The following ACOXL variants were observed in gnomAD, a reference collection of about 807,000 sequenced individuals.
ACOXL encodes the protein acyl-CoA oxidase like, also known as acyl-coenzyme A oxidase-like protein.
In ACOXL, 70 loss-of-function variants were observed where a neutral mutation model predicts 71.9. The ratio of observed to expected loss-of-function variants is 0.97; its 90% CI spans 0.80 to 1.19. The LOEUF is 1.19. Among genes scored for constraint, ACOXL ranks in the 50% most tolerant of loss-of-function variants. ACOXL has a pLI of 0.00. For synonymous variants in ACOXL, 253 were observed against 281.6 expected, an observed-to-expected ratio of 0.90 and a Z score of 1.02; for missense variants, 703 against 736.3, an observed-to-expected ratio of 0.95 and a Z score of 0.52.
intron 4 of ACOXL, 22 bp downstream of exon 4, chr2:110,793,758 T>A (rs1160866525): frequency 2.4e-5 from 38 of 1,582,126 alleles, no homozygotes; most frequent in Non-Finnish European, 3.2e-5. Flanking sequence ...TCCTCAACAT[T>A]GGTCTTCTAT....
At chr2:110,824,397 G>A (rs933997807) in intron 9 of ACOXL, among the ~76,000 whole-genome samples, 1 of 152,110 alleles carries the variant, frequency 6.6e-6, no homozygotes, top group African/African-American at 2.4e-5. Flanking sequence ...TAACTTGGTG[G>A]GAACTTGATT....
chr2:110,912,366 C>T (rs952051132), intron 11 of ACOXL, among the ~76,000 whole-genome samples: 3 of 152,012 alleles, frequency 2.0e-5, no homozygotes, highest in South Asian at 2.1e-4. Flanking sequence ...AATTCAGAAA[C>T]TTAATATGAA....
At chr2:111,098,780 AAGTT>A (rs1271109687) in intron 17 of ACOXL, 1 of 152,230 alleles carries the variant, frequency 6.6e-6, no homozygotes, top group African/African-American at 2.4e-5. Flanking sequence ...AAAAAACAAA[AAGTT>A]AGCATAGGGA....
At chr2:110,924,053 A>AT (rs1337915771) in intron 11 of ACOXL, among the ~76,000 whole-genome samples, 1 of 152,162 alleles carries the variant, frequency 6.6e-6, no homozygotes. Context: ...ATGAGTCATA[A>AT]TTTTTTTGTT....
chr2:110,994,413 C>T lies in ACOXL; in HGVS notation c.1170-1480C>T, dbSNP rs566869770. On this transcript the variant is annotated intron_variant, in intron 13 of 17. Coordinates refer to ENST00000439055, the MANE Select transcript of ACOXL (RefSeq NM_001142807.4). The stretch of plus-strand genomic sequence containing the variant: ...GTCAATTGCTTCTTAACGTTTCTCT[C>T]GTGCCTTCTGATTGAGCAACAACAG... 1.1e-4 allele frequency among the ~76,000 whole-genome samples: 17 copies of T among 150,768 alleles called. No individual in the cohort carries two copies. The East Asian group carries it at 1.9e-3, about 17-fold the overall frequency.
At chr2:110,875,142 C>T (rs985415055) in intron 10 of ACOXL, among the ~76,000 whole-genome samples, 8 of 152,130 alleles carry the variant, frequency 5.3e-5, no homozygotes, top group African/African-American at 1.4e-4. Flanking sequence ...AGAGTGAGGC[C>T]GACTTCCCAC....
intron 14 of ACOXL, among the ~76,000 whole-genome samples, chr2:111,000,944 A>C (rs1403010849): frequency 6.6e-6 from 1 of 152,232 alleles, no homozygotes. Context: ...CAGTGCTAAA[A>C]TTAAAAAATT....
chr2:110,968,903 A>G (rs1270995873), intron 12 of ACOXL, among the ~76,000 whole-genome samples: 3 of 152,198 alleles, frequency 2.0e-5, no homozygotes, highest in African/African-American at 7.2e-5. Context: ...TTTCTTCAAG[A>G]TGGACTGTAT....
chr2:111,117,203 C>T (rs910293153), intron 17 of ACOXL, among the ~76,000 whole-genome samples: 7 of 151,990 alleles, frequency 4.6e-5, no homozygotes, highest in Non-Finnish European at 2.9e-5. Context: ...AGGGTGGCAC[C>T]CCAGGCACTC....
chr2:111,006,627 T>C (rs926439985), intron 14 of ACOXL, among the ~76,000 whole-genome samples: 1 of 151,998 alleles, frequency 6.6e-6, no homozygotes, highest in African/African-American at 2.4e-5. Context: ...GGTGCAATCA[T>C]GGCTCACTGC....
intron 13 of ACOXL, among the ~76,000 whole-genome samples, chr2:110,990,337 G>A (rs886964385): frequency 9.9e-5 from 15 of 152,040 alleles, no homozygotes; most frequent in Admixed American, 8.5e-4. Flanking sequence ...GATTTTTGTA[G>A]TTAATGATTT....
At chr2:110,965,377 T>C (rs2061880448) in intron 12 of ACOXL, among the ~76,000 whole-genome samples, 1 of 152,178 alleles carries the variant, frequency 6.6e-6, no homozygotes, top group Non-Finnish European at 1.5e-5. Context: ...GTAGTTCTAT[T>C]TTTAGTTTCT....
At chr2:110,795,612 A>G (rs186668243) in intron 5 of ACOXL, 3 of 152,214 alleles carry the variant, frequency 2.0e-5, no homozygotes, top group Non-Finnish European at 2.9e-5. Context: ...ACAGAGGCTC[A>G]CGGAGGTTAA....
chr2:110,891,628 T>C (rs1003919822), intron 10 of ACOXL, among the ~76,000 whole-genome samples: 2 of 152,076 alleles, frequency 1.3e-5, no homozygotes, highest in African/African-American at 2.4e-5. Flanking sequence ...ATTTAGATCT[T>C]CCTCCATTTG....
Position 111,041,579 on chromosome 2 carries a change from G to A in ACOXL, c.1370-7639G>A, listed in dbSNP as rs1445884768. The stretch of plus-strand genomic sequence containing the variant: ...ACACTGGGGAAAAGATGTGGTGACA[G>A]TGGCTGCCGCCTCTGGCTGCCCCCG... On this transcript the variant is annotated intron_variant, in intron 15 of 17. Coordinates refer to ENST00000439055, the MANE Select transcript of ACOXL (RefSeq NM_001142807.4). 2.1e-5 allele frequency among the ~76,000 whole-genome samples: 3 copies of A among 141,878 alleles called. No homozygotes were observed. The South Asian group carries it at 6.8e-4, about 32-fold the overall frequency. 93.1% of individuals were successfully genotyped at this position (141,878 alleles called of 152,430 possible). A position where few individuals can be genotyped will look rare whatever the true frequency, so the allele number is the denominator to read the frequency against.
At chr2:110,963,451 G>T (rs1445862763) in intron 12 of ACOXL, among the ~76,000 whole-genome samples, 1 of 152,160 alleles carries the variant, frequency 6.6e-6, no homozygotes, top group Non-Finnish European at 1.5e-5. Context: ...AATTCTTACA[G>T]TGGTTATTTT....
At chr2:111,018,714 G>GC (rs1329921132) in intron 14 of ACOXL, among the ~76,000 whole-genome samples, 1 of 135,006 alleles carries the variant, frequency 7.4e-6, no homozygotes, top group Non-Finnish European at 1.5e-5. Context: ...AGGCTGGAGG[G>GC]GGTGTTGGTG....
chr2:111,114,298 TC>T (rs1207558879), intron 17 of ACOXL: 4 of 152,624 alleles, frequency 2.6e-5, no homozygotes, highest in Non-Finnish European at 1.5e-5. Flanking sequence ...AGACTGGGCT[TC>T]TGCACAGCAG....
intron 7 of ACOXL, among the ~76,000 whole-genome samples, chr2:110,800,075 C>G (rs1423088917): frequency 6.6e-6 from 1 of 152,154 alleles, no homozygotes; most frequent in African/African-American, 2.4e-5. Flanking sequence ...AGCTGGCCAC[C>G]CCAGCCAGCA....
Sources: allele counts gnomAD v4.1 joint callset (sites outside exome capture counted in the v4.1 genomes callset), GRCh38; gene constraint gnomAD v4.1.1; transcripts MANE v1.5; gene names NCBI Gene and HGNC (gene_info 2026-07-23, HGNC 2026-07-21).